Variants in SEMA3A observed in about 807,000 individuals in gnomAD.
SEMA3A encodes semaphorin-3A.
In SEMA3A, 29 loss-of-function variants were observed where a neutral mutation model predicts 97.9. The observed-to-expected ratio is 0.30, with a 90% CI of 0.22 to 0.40. The LOEUF is 0.40. Ranked by LOEUF, SEMA3A falls within the 10% of genes least tolerant of loss-of-function variation. The probability of loss-of-function intolerance (pLI) is 1.00; values close to 1 mark genes in which losing one functional copy is unlikely to be tolerated. For missense variants in SEMA3A, 763 were observed against 951.3 expected (o/e 0.80, Z 2.60); for synonymous variants, 321 against 323.7 (o/e 0.99, Z 0.09).
At chr7:84,042,337 A>C (rs1025601870) in intron 6 of SEMA3A, among the ~76,000 whole-genome samples, 3 of 152,114 alleles carry the variant, frequency 2.0e-5, no homozygotes, top group Admixed American at 6.6e-5. Context: ...CACTAAAAGA[A>C]AACAGGTCTT....
At chr7:84,229,318 AC>A (rs1379089326) in intron 3 of SEMA3A, among the ~76,000 whole-genome samples, 8 of 152,118 alleles carry the variant, frequency 5.3e-5, no homozygotes, top group Non-Finnish European at 8.8e-5. Context: ...TGCAAATTAA[AC>A]TCATTAGGCC....
chr7:84,343,773 G>T (rs1361483276), intron 2 of SEMA3A, among the ~76,000 whole-genome samples: 2 of 152,134 alleles, frequency 1.3e-5, no homozygotes, highest in African/African-American at 4.8e-5. Context: ...GCCGAGGGGA[G>T]AGGAGCTCAG....
intron 3 of SEMA3A, among the ~76,000 whole-genome samples, chr7:84,227,284 G>C (rs1799012742): frequency 1.3e-5 from 2 of 151,934 alleles, no homozygotes; most frequent in Admixed American, 1.3e-4. Context: ...TCTTGAGACA[G>C]ATTAAAGAGT....
At chr7:84,031,530 G>A (rs933368681) in intron 6 of SEMA3A, among the ~76,000 whole-genome samples, 2 of 152,030 alleles carry the variant, frequency 1.3e-5, no homozygotes, top group Non-Finnish European at 1.5e-5. Context: ...ATAACTTATT[G>A]TTTTTTGTAT....
At chr7:83,979,842 A>C (rs1789320105) in intron 14 of SEMA3A, among the ~76,000 whole-genome samples, 1 of 152,172 alleles carries the variant, frequency 6.6e-6, no homozygotes, top group African/African-American at 2.4e-5. Flanking sequence ...TGTAATCAAG[A>C]GATTTAAGTA....
intron 3 of SEMA3A, among the ~76,000 whole-genome samples, chr7:84,205,569 T>A (rs1374500209): frequency 6.6e-6 from 1 of 152,210 alleles, no homozygotes; most frequent in Non-Finnish European, 1.5e-5. Context: ...TCCATATTTA[T>A]TTTTTCATAA....
chr7:84,170,241 T>C (rs555898249), intron 1 of SEMA3A, among the ~76,000 whole-genome samples: 1 of 151,982 alleles, frequency 6.6e-6, no homozygotes, highest in African/African-American at 2.4e-5. Flanking sequence ...TTGCTTTATA[T>C]TTTTCCCATC....
At chr7:84,116,324 G>A (rs1374696032) in intron 3 of SEMA3A, among the ~76,000 whole-genome samples, 1 of 152,080 alleles carries the variant, frequency 6.6e-6, no homozygotes, top group Non-Finnish European at 1.5e-5. Flanking sequence ...TATTTCACAC[G>A]TATACTCTTT....
At chr7:84,313,350 GTGTGTGTATATATATATATATATATA>G (rs1801399388) in intron 2 of SEMA3A, among the ~76,000 whole-genome samples, 1 of 38,668 alleles carries the variant, frequency 2.6e-5, no homozygotes, top group African/African-American at 9.1e-5. Context: ...ATGTATATGT[GTGTGTGTATATATATATATATATATA>G]TATATATATA....
intron 1 of SEMA3A, among the ~76,000 whole-genome samples, chr7:84,408,247 C>G (rs549465096): frequency 1.6e-3 from 244 of 152,284 alleles, no homozygotes; most frequent in Non-Finnish European, 2.9e-3. Context: ...TGAACAGACG[C>G]TTCTCAAAAG....
At position 84,129,132 on chromosome 7, in the gene SEMA3A, T is replaced by A; in HGVS notation, c.324A>T (p.Lys108Asn). 1 of 1,610,556 alleles carries A rather than the reference T, an allele frequency of 6.2e-7. No homozygotes were observed. The highest frequency in any genetic ancestry group is 8.5e-7 in the Non-Finnish European group (1 of 1,176,858). ...TRRDECKWAG[K>N]DILKECANFI... is the part of the protein sequence containing the mutation. ...GTAGGTTAATGCTTACCAGGATGTC[T>A]TTTCCAGCCCACTTGCATTCATCTC... Residue 108 changes from lysine (K) to asparagine (N), a missense_variant, in exon 3 of 17, where the codon AAA becomes AAT. Lys to Asn is a moderately conservative substitution (Grantham distance 94, BLOSUM62 0). Around this residue, in one of 2 missense-constraint regions of SEMA3A, gnomAD observed 678 missense variants for 881.3 expected, o/e 0.77. Transcript: ENST00000265362.
At chr7:84,165,130 C>T (rs761017464) in intron 1 of SEMA3A, among the ~76,000 whole-genome samples, 2 of 152,048 alleles carry the variant, frequency 1.3e-5, no homozygotes, top group Non-Finnish European at 2.9e-5. Context: ...ACAGCTTGAG[C>T]CTGGGAGTTG....
At chr7:84,220,164 CAGG>C (rs1361323741) in intron 3 of SEMA3A, among the ~76,000 whole-genome samples, 10 of 152,170 alleles carry the variant, frequency 6.6e-5, no homozygotes, top group South Asian at 4.1e-4. Flanking sequence ...GCATCTTCAG[CAGG>C]AGTAGAATCT....
chr7:84,079,678 G>A (rs1283183006), intron 4 of SEMA3A, among the ~76,000 whole-genome samples: 1 of 133,768 alleles, frequency 7.5e-6, no homozygotes, highest in Non-Finnish European at 1.6e-5. Context: ...AGTTAGAATG[G>A]CAATCATTAA....
intron 2 of SEMA3A, among the ~76,000 whole-genome samples, chr7:84,325,528 A>G (rs1209854115): frequency 6.6e-6 from 1 of 151,898 alleles, no homozygotes; most frequent in Non-Finnish European, 1.5e-5. Flanking sequence ...GTAGCAAGGA[A>G]GGCCATGTGG....
intron 1 of SEMA3A, among the ~76,000 whole-genome samples, chr7:84,182,950 T>C (rs1797774470): frequency 6.6e-6 from 1 of 152,154 alleles, no homozygotes; most frequent in Non-Finnish European, 1.5e-5. Context: ...CAATTAGCTT[T>C]CATTATTACT....
chr7:84,399,946 T>C lies in SEMA3A; in HGVS notation c.-245-28046A>G, dbSNP rs541588054. 3.2e-4 allele frequency among the ~76,000 whole-genome samples: 49 copies of C among 152,222 alleles called. No homozygotes were observed. The East Asian group carries it at 3.3e-3, about 10-fold the overall frequency. On this transcript the variant is annotated intron_variant, in intron 1 of 3. Coordinates refer to the SEMA3A transcript ENST00000424555. ...TAGCATAGAGAGAGGCTCTTTCTACTAGAATAAAGAGAAGGAAGAGAGCAA... is the reference window on the plus strand; with the variant it reads ...TAGCATAGAGAGAGGCTCTTTCTACCAGAATAAAGAGAAGGAAGAGAGCAA...
chr7:84,273,491 T>C (rs1800206027), intron 3 of SEMA3A, among the ~76,000 whole-genome samples: 1 of 152,140 alleles, frequency 6.6e-6, no homozygotes, highest in Admixed American at 6.6e-5. Flanking sequence ...GAATTTTACT[T>C]AGGACAGTAA....
At chr7:84,410,739 C>G (rs1470030802) in intron 1 of SEMA3A, among the ~76,000 whole-genome samples, 4 of 152,106 alleles carry the variant, frequency 2.6e-5, no homozygotes, top group Non-Finnish European at 4.4e-5. Flanking sequence ...TATGTTTCTA[C>G]AAGCTGAATT....
Sources: allele counts gnomAD v4.1 joint callset (sites outside exome capture counted in the v4.1 genomes callset), GRCh38; gene constraint gnomAD v4.1.1; regional missense constraint gnomAD v4.1.1; transcripts MANE v1.5; gene names NCBI Gene and HGNC (gene_info 2026-07-23, HGNC 2026-07-21).